OPCML: variants seen among roughly 807,000 people sequenced by gnomAD.
OPCML encodes opioid-binding protein/cell adhesion molecule.
OPCML carries 13 observed loss-of-function variants against 37.8 expected under a neutral mutation model. The observed-to-expected ratio is 0.34, with a 90% CI of 0.22 to 0.55. The LOEUF (loss-of-function observed/expected upper bound fraction) is 0.55, where lower values mean the gene tolerates loss of function less well. Among genes scored for constraint, OPCML ranks in the 20% least tolerant of loss-of-function variants. OPCML has a pLI of 0.91. For synonymous variants in OPCML, 176 were observed against 168.8 expected (o/e 1.04, Z -0.33); for missense variants, 341 against 435.6 (o/e 0.78, Z 1.93).
At chr11:133,021,597 C>G (rs957071221) in intron 1 of OPCML, among the ~76,000 whole-genome samples, 1 of 31,538 alleles carries the variant, frequency 3.2e-5, no homozygotes, top group African/African-American at 2.8e-4. Context: ...GAGGGAGACA[C>G]TTGCTCACTT....
chr11:132,872,164 G>A (rs777147385), intron 2 of OPCML, among the ~76,000 whole-genome samples: 8 of 152,170 alleles, frequency 5.3e-5, no homozygotes, highest in Non-Finnish European at 1.2e-4. Flanking sequence ...GACATAGTTT[G>A]TGCTCAAAGA....
At chr11:132,695,577 T>C (rs1469991579) in intron 2 of OPCML, among the ~76,000 whole-genome samples, 4 of 152,306 alleles carry the variant, frequency 2.6e-5, no homozygotes, top group Admixed American at 6.5e-5. Flanking sequence ...CTAGGCTTAG[T>C]TGATACATAG....
intron 1 of OPCML, among the ~76,000 whole-genome samples, chr11:132,952,244 T>C (rs1278510163): frequency 6.6e-6 from 1 of 152,150 alleles, no homozygotes; most frequent in African/African-American, 2.4e-5. Flanking sequence ...TCATGGAGCT[T>C]TAGTGAACTC....
intron 4 of OPCML, among the ~76,000 whole-genome samples, chr11:132,477,365 C>T (rs1565595628): frequency 6.6e-6 from 1 of 152,188 alleles, no homozygotes; most frequent in Admixed American, 6.6e-5. Flanking sequence ...GTACAGACGT[C>T]TCCTTTCATC....
At chr11:133,331,864 T>G (rs1353952364) in intron 1 of OPCML, among the ~76,000 whole-genome samples, 5 of 152,122 alleles carry the variant, frequency 3.3e-5, no homozygotes, top group Admixed American at 3.3e-4. Flanking sequence ...TGGTGGCTAC[T>G]TTTTCCATTA....
chr11:133,198,666 CA>C (rs1262711361), intron 1 of OPCML, among the ~76,000 whole-genome samples: 1 of 152,186 alleles, frequency 6.6e-6, no homozygotes, highest in Non-Finnish European at 1.5e-5. Context: ...CTAGTACTAG[CA>C]TGTGGATTTT....
At chr11:132,876,212 T>C (rs990453217) in intron 2 of OPCML, among the ~76,000 whole-genome samples, 2 of 152,184 alleles carry the variant, frequency 1.3e-5, no homozygotes, top group African/African-American at 4.8e-5. Context: ...CAATCACTTC[T>C]TCCCTATAAA....
chr11:132,854,732 T>G (rs1290591910), intron 2 of OPCML, among the ~76,000 whole-genome samples: 1 of 152,260 alleles, frequency 6.6e-6, no homozygotes, highest in Non-Finnish European at 1.5e-5. Context: ...CACTAGTTGA[T>G]AGACATCAGG....
intron 4 of OPCML, among the ~76,000 whole-genome samples, chr11:132,475,010 C>A (rs138796846): frequency 1.3e-5 from 2 of 152,198 alleles, no homozygotes; most frequent in Non-Finnish European, 2.9e-5. Flanking sequence ...CTCCCACCTG[C>A]CATACTGCTA....
At chr11:132,880,155 G>T (rs1943173096) in intron 2 of OPCML, among the ~76,000 whole-genome samples, 1 of 151,706 alleles carries the variant, frequency 6.6e-6, no homozygotes, top group Admixed American at 6.6e-5. Context: ...CAGTTCTTGG[G>T]CTTTTTCTAA....
At chr11:132,591,533 C>G (rs1017379233) in intron 3 of OPCML, among the ~76,000 whole-genome samples, 1 of 152,142 alleles carries the variant, frequency 6.6e-6, no homozygotes, top group Non-Finnish European at 1.5e-5. Context: ...ATCTAATGAT[C>G]TAATCACAGG....
intron 1 of OPCML, among the ~76,000 whole-genome samples, chr11:132,987,274 C>T (rs1946697034): frequency 6.6e-6 from 1 of 152,030 alleles, no homozygotes; most frequent in Non-Finnish European, 1.5e-5. Flanking sequence ...AAGAGAAGCA[C>T]CGGGGAAAGA....
At chr11:133,061,297 G>C (rs533481557) in intron 1 of OPCML, among the ~76,000 whole-genome samples, 1 of 152,290 alleles carries the variant, frequency 6.6e-6, no homozygotes, top group Non-Finnish European at 1.5e-5. Flanking sequence ...GACTCCAAAG[G>C]ATTCTACCTC....
At chr11:132,981,151 G>T (rs1209721951) in intron 1 of OPCML, among the ~76,000 whole-genome samples, 1 of 152,218 alleles carries the variant, frequency 6.6e-6, no homozygotes, top group Admixed American at 6.5e-5. Context: ...GCAGTGCATG[G>T]TTGTATTGGG....
At chr11:132,467,050 A>G (rs2096122263) in intron 4 of OPCML, among the ~76,000 whole-genome samples, 1 of 152,196 alleles carries the variant, frequency 6.6e-6, no homozygotes, top group Non-Finnish European at 1.5e-5. Flanking sequence ...CTAAAGGATA[A>G]TAAAATCGAG....
At chr11:133,033,584 AACTTT>A (rs1255286948) in intron 1 of OPCML, among the ~76,000 whole-genome samples, 1 of 152,222 alleles carries the variant, frequency 6.6e-6, no homozygotes, top group African/African-American at 2.4e-5. Flanking sequence ...TGGTTTGTGT[AACTTT>A]ACTTTGTTGG....
chr11:133,393,654 G>A (rs1473687278), intron 1 of OPCML, among the ~76,000 whole-genome samples: 3 of 152,190 alleles, frequency 2.0e-5, no homozygotes, highest in Non-Finnish European at 4.4e-5. Context: ...CTGCTGTGAT[G>A]GCTGTCTCCA....
intron 2 of OPCML, chr11:132,772,064 T>C (rs4936175): frequency 0.38 from 58,077 of 152,024 alleles, 11,686 homozygotes; most frequent in Non-Finnish European, 0.43. Context: ...TGCCATCTTC[T>C]GAAACACTGG....
At chr11:132,642,677 A>T (rs1940921377) in intron 3 of OPCML, among the ~76,000 whole-genome samples, 1 of 152,204 alleles carries the variant, frequency 6.6e-6, no homozygotes, top group Admixed American at 6.5e-5. Flanking sequence ...ATTTTAATAA[A>T]CTATAGAGGG....
Sources: gnomAD v4.1 joint callset for allele counts (sites outside exome capture counted in the v4.1 genomes callset) on GRCh38, gnomAD v4.1.1 for gene constraint, MANE v1.5 for transcripts, NCBI Gene and HGNC (gene_info 2026-07-23, HGNC 2026-07-21) for gene names.